QTMAN: variants seen among roughly 807,000 people sequenced by gnomAD.
QTMAN encodes queuosine-tRNA mannosyltransferase, also known as tRNA-queuosine alpha-mannosyltransferase.
the QTMAN span, among the ~76,000 whole-genome samples, chr2:144,174,202 CT>C: frequency 6.6e-6 from 1 of 152,160 alleles, no homozygotes; most frequent in Admixed American, 6.5e-5. Flanking sequence ...CTTGGAGCAG[CT>C]TTCTTCATTC....
chr2:144,257,588 G>A, the QTMAN span, among the ~76,000 whole-genome samples: 1 of 152,132 alleles, frequency 6.6e-6, no homozygotes, highest in Non-Finnish European at 1.5e-5. Context: ...GGTGAGACAT[G>A]TCCCTCAAAG....
At chr2:144,112,676 C>A in the QTMAN span, among the ~76,000 whole-genome samples, 1 of 152,206 alleles carries the variant, frequency 6.6e-6, no homozygotes, top group Non-Finnish European at 1.5e-5. Context: ...CCAGCTTTGC[C>A]GTGCTGTATC....
chr2:144,177,319 G>T, the QTMAN span: 4 of 606,852 alleles, frequency 6.6e-6, no homozygotes, highest in Non-Finnish European at 1.2e-5. Context: ...TTTCATAGCC[G>T]AAGACTATGA....
chr2:143,943,176 G>C, the QTMAN span: 1 of 151,784 alleles, frequency 6.6e-6, no homozygotes, highest in East Asian at 1.9e-4. Context: ...CTGTATCTTT[G>C]AGCAGCATGT....
the QTMAN span, among the ~76,000 whole-genome samples, chr2:144,138,156 A>C: frequency 6.6e-6 from 1 of 152,178 alleles, no homozygotes; most frequent in South Asian, 2.1e-4. Context: ...TGTGAAAATC[A>C]GGGGACTATG....
At chr2:144,228,866 G>A in the QTMAN span, among the ~76,000 whole-genome samples, 4 of 152,150 alleles carry the variant, frequency 2.6e-5, no homozygotes, top group African/African-American at 4.8e-5. Flanking sequence ...GCTGAGTCAA[G>A]AGAATTGCTT....
chr2:144,298,796 CAG>C, the QTMAN span, among the ~76,000 whole-genome samples: 2 of 152,202 alleles, frequency 1.3e-5, no homozygotes. Context: ...GGGGATATGG[CAG>C]AGTGTTTAAC....
the QTMAN span, among the ~76,000 whole-genome samples, chr2:144,169,524 T>C: frequency 1.3e-5 from 2 of 152,094 alleles, no homozygotes; most frequent in African/African-American, 2.4e-5. Context: ...GGATCATGGA[T>C]TTAATTCTTT....
At chr2:144,200,519 G>A in the QTMAN span, among the ~76,000 whole-genome samples, 4 of 152,270 alleles carry the variant, frequency 2.6e-5, no homozygotes, top group Non-Finnish European at 5.9e-5. Flanking sequence ...AATAGCTGAT[G>A]AGCTTAAAAA....
chr2:143,984,032 C>A, the QTMAN span, among the ~76,000 whole-genome samples: 1 of 152,116 alleles, frequency 6.6e-6, no homozygotes, highest in African/African-American at 2.4e-5. Context: ...ACGCAGTCAC[C>A]CTCATATTAA....
chr2:143,987,942 G>A, the QTMAN span, among the ~76,000 whole-genome samples: 2 of 152,140 alleles, frequency 1.3e-5, no homozygotes, highest in East Asian at 1.9e-4. Context: ...AGAGGTTATC[G>A]ATACTCTTGA....
the QTMAN span, among the ~76,000 whole-genome samples, chr2:144,133,545 A>C: frequency 8.4e-5 from 9 of 107,474 alleles, no homozygotes; most frequent in Non-Finnish European, 1.4e-4. Context: ...TAAAGATATA[A>C]AGATATAAAT....
At chr2:144,168,593 G>A in the QTMAN span, among the ~76,000 whole-genome samples, 2 of 152,006 alleles carry the variant, frequency 1.3e-5, no homozygotes, top group African/African-American at 4.8e-5. Flanking sequence ...TAGAGACTAC[G>A]ATACTTGTAT....
the QTMAN span, among the ~76,000 whole-genome samples, chr2:144,141,044 G>A: frequency 6.6e-6 from 1 of 152,000 alleles, no homozygotes; most frequent in Admixed American, 6.6e-5. Flanking sequence ...TGCATAGCAT[G>A]TATGGATATT....
At chr2:143,945,091 T>G in the QTMAN span, 1 of 152,220 alleles carries the variant, frequency 6.6e-6, no homozygotes, top group Non-Finnish European at 1.5e-5. Flanking sequence ...ATGTCATCTG[T>G]GACACAGCAA....
the QTMAN span, among the ~76,000 whole-genome samples, chr2:144,016,678 G>A: frequency 6.6e-5 from 10 of 152,170 alleles, no homozygotes; most frequent in African/African-American, 1.7e-4. Flanking sequence ...ATGGGAAAAC[G>A]TACTGCTGTT....
At chr2:144,219,872 A>G in the QTMAN span, among the ~76,000 whole-genome samples, 1 of 152,210 alleles carries the variant, frequency 6.6e-6, no homozygotes, top group Non-Finnish European at 1.5e-5. Context: ...TAACATATTT[A>G]TTGATACTGC....
chr2:143,949,969 T>C, the QTMAN span, among the ~76,000 whole-genome samples: 1 of 151,764 alleles, frequency 6.6e-6, no homozygotes, highest in African/African-American at 2.4e-5. Flanking sequence ...AAGCTCTTGA[T>C]TACTTAAAAT....
At chr2:144,208,646 C>G in the QTMAN span, 2 of 1,613,802 alleles carry the variant, frequency 1.2e-6, no homozygotes, top group Non-Finnish European at 1.7e-6. Flanking sequence ...AAATATAAAG[C>G]AGATGTCCGG....
Sources: allele counts gnomAD v4.1 joint callset (sites outside exome capture counted in the v4.1 genomes callset), GRCh38; gene constraint gnomAD v4.1.1; transcripts MANE v1.5; gene names NCBI Gene and HGNC (gene_info 2026-07-23, HGNC 2026-07-21).